The following NDST4 variants were observed in gnomAD, a reference collection of about 807,000 sequenced individuals.
NDST4 encodes N-heparan sulfate sulfotransferase 4.
In NDST4, 63 loss-of-function variants were observed where a neutral mutation model predicts 100.8. The ratio of observed to expected loss-of-function variants is 0.62; its 90% confidence interval spans 0.51 to 0.77. The LOEUF (loss-of-function observed/expected upper bound fraction) is 0.77. NDST4 is among the 30% of genes least tolerant of loss of function. NDST4 has a pLI of 0.00. For synonymous variants in NDST4, 377 were observed against 361.8 expected (o/e 1.04, Z -0.48); for missense variants, 943 against 1,018.4 (o/e 0.93, Z 1.01).
At chr4:114,940,615 T>C (rs1725728078) in intron 4 of NDST4, among the ~76,000 whole-genome samples, 1 of 152,110 alleles carries the variant, frequency 6.6e-6, no homozygotes, top group Non-Finnish European at 1.5e-5. Flanking sequence ...CTCTTTTAGC[T>C]TTGCCGTCCA....
At chr4:114,927,786 A>C (rs1303318128) in intron 6 of NDST4, among the ~76,000 whole-genome samples, 1 of 152,238 alleles carries the variant, frequency 6.6e-6, no homozygotes, top group Admixed American at 6.5e-5. Flanking sequence ...TATAATATTA[A>C]AGTATAGATG....
chr4:115,055,839 A>G lies in NDST4; in HGVS notation c.978+20220T>C, dbSNP rs188556359. Among the ~76,000 whole-genome samples the G allele has an allele frequency of 1.8e-4, 28 of 152,284 alleles. No homozygotes were observed. The South Asian group carries it at 5.0e-3, about 27-fold the overall frequency. On this transcript the variant is annotated intron_variant, in intron 2 of 13. Coordinates refer to ENST00000264363, the MANE Select transcript of NDST4 (RefSeq NM_022569.3). ...GTAAGTATAAGCAAGCTGAACTGTA[A>G]TGAATCTCTGTGCAGCAGATAATCC...
At chr4:114,865,348 C>G (rs886083969) in intron 7 of NDST4, among the ~76,000 whole-genome samples, 3 of 152,138 alleles carry the variant, frequency 2.0e-5, no homozygotes, top group African/African-American at 7.2e-5. Context: ...TAGGAGTGAG[C>G]CACTGCACCC....
chr4:115,112,164 C>T (rs1247552163), intron 1 of NDST4, among the ~76,000 whole-genome samples: 2 of 146,646 alleles, frequency 1.4e-5, no homozygotes, highest in African/African-American at 5.1e-5. Context: ...AACTGGCATA[C>T]TTTTAATAGA....
chr4:114,955,418 G>A (rs1001263343), intron 4 of NDST4, among the ~76,000 whole-genome samples: 1 of 152,210 alleles, frequency 6.6e-6, no homozygotes, highest in African/African-American at 2.4e-5. Context: ...CAAGGGGCCA[G>A]TTGCTAGGGG....
At chr4:114,999,866 G>C (rs1578442457) in intron 2 of NDST4, among the ~76,000 whole-genome samples, 2 of 152,064 alleles carry the variant, frequency 1.3e-5, no homozygotes, top group Middle Eastern at 6.8e-3. Flanking sequence ...ACTTGTAATT[G>C]ATATGTCTGG....
intron 2 of NDST4, among the ~76,000 whole-genome samples, chr4:115,067,093 A>C (rs1192441132): frequency 2.6e-5 from 4 of 152,198 alleles, no homozygotes; most frequent in Non-Finnish European, 5.9e-5. Flanking sequence ...GCCATTGCCC[A>C]GGTCTTATGC....
chr4:114,984,136 C>A (rs1354696102), intron 2 of NDST4, among the ~76,000 whole-genome samples: 1 of 148,872 alleles, frequency 6.7e-6, no homozygotes, highest in Non-Finnish European at 1.5e-5. Flanking sequence ...TGTGAACAAA[C>A]TAATACTATT....
At chr4:114,877,049 T>C (rs1724268475) in intron 6 of NDST4, among the ~76,000 whole-genome samples, 1 of 148,146 alleles carries the variant, frequency 6.8e-6, no homozygotes. Flanking sequence ...GTAGTTCCTA[T>C]ATTAAGTGTT....
chr4:114,924,513 T>C (rs12645955), intron 6 of NDST4, among the ~76,000 whole-genome samples: 19,410 of 151,388 alleles, frequency 0.13, 1,773 homozygotes, highest in East Asian at 0.41. Context: ...TTTTCCACAA[T>C]CTATATACTC....
rs201179832 is a variant in NDST4 at position 114,898,803 on chromosome 4, A to AT, written c.1537-27854dup. On this transcript the variant is annotated intron_variant, in intron 6 of 13. Coordinates refer to ENST00000264363, the MANE Select transcript of NDST4 (RefSeq NM_022569.3). ...TTTTCAGGGTGCTAATGTAAATAGT[A>AT]TTTTTTTTCAAATTCCATTTGTTTA... Among the ~76,000 whole-genome samples, 1,057 of 151,948 alleles carry AT rather than the reference A, an allele frequency of 7.0e-3. 12 individuals are homozygous for AT. Among genetic ancestry groups the AT allele is most frequent in the East Asian group, 0.055 (285 of 5,160 alleles).
chr4:115,010,575 T>C (rs762817065), intron 2 of NDST4, among the ~76,000 whole-genome samples: 1 of 128,692 alleles, frequency 7.8e-6, no homozygotes, highest in South Asian at 3.0e-4. Flanking sequence ...TTAAGAGATA[T>C]ACCTTATGCT....
At chr4:114,858,102 C>A (rs1723837647) in intron 7 of NDST4, among the ~76,000 whole-genome samples, 1 of 152,170 alleles carries the variant, frequency 6.6e-6, no homozygotes, top group Non-Finnish European at 1.5e-5. Context: ...ATGCATGGAC[C>A]TCTTTCCCCT....
At chr4:115,014,385 T>A (rs1029136655) in intron 2 of NDST4, among the ~76,000 whole-genome samples, 2 of 152,020 alleles carry the variant, frequency 1.3e-5, no homozygotes, top group Non-Finnish European at 2.9e-5. Flanking sequence ...ACGGAGTAAA[T>A]CCAACAAAAG....
chr4:114,932,298 T>G (rs187728359), intron 6 of NDST4, among the ~76,000 whole-genome samples: 1 of 151,860 alleles, frequency 6.6e-6, no homozygotes, highest in Non-Finnish European at 1.5e-5. Flanking sequence ...AAATTCAACA[T>G]CCATTCATGA....
intron 6 of NDST4, among the ~76,000 whole-genome samples, chr4:114,919,059 A>G (rs1210756413): frequency 1.3e-5 from 2 of 152,220 alleles, no homozygotes; most frequent in African/African-American, 2.4e-5. Context: ...AACAATGATC[A>G]ATACAGAATT....
intron 6 of NDST4, among the ~76,000 whole-genome samples, chr4:114,918,462 C>T (rs1379390810): frequency 6.6e-6 from 1 of 151,066 alleles, no homozygotes; most frequent in Non-Finnish European, 1.5e-5. Context: ...TTAGTGGGTG[C>T]AGTGCACCAG....
chr4:114,896,469 A>G (rs1036922878), intron 6 of NDST4, among the ~76,000 whole-genome samples: 1 of 151,828 alleles, frequency 6.6e-6, no homozygotes, highest in African/African-American at 2.4e-5. Flanking sequence ...TAAAAAATGC[A>G]AAAAATTAGC....
intron 2 of NDST4, among the ~76,000 whole-genome samples, chr4:114,988,608 A>G (rs1837803): frequency 0.87 from 131,299 of 151,116 alleles, 57,496 homozygotes; most frequent in African/African-American, 0.91. Context: ...TGATCCACCC[A>G]CCTTGGCCTC....
Sources: allele counts gnomAD v4.1 joint callset (sites outside exome capture counted in the v4.1 genomes callset), GRCh38; gene constraint gnomAD v4.1.1; transcripts MANE v1.5; gene names NCBI Gene and HGNC (gene_info 2026-07-23, HGNC 2026-07-21).